The following GFM1 variants were observed in gnomAD, a reference collection of about 807,000 sequenced individuals.
The protein encoded by GFM1 is elongation factor G, mitochondrial.
Under a neutral mutation model 96.2 loss-of-function variants are expected in GFM1, and 62 were observed. That is an observed-to-expected ratio of 0.64 (90% CI 0.53 to 0.80). The LOEUF (loss-of-function observed/expected upper bound fraction) is 0.80. Ranked by LOEUF, GFM1 falls within the 30% of genes least tolerant of loss-of-function variation. GFM1 has a pLI of 0.00. For missense variants in GFM1, 852 were observed against 916.6 expected, an observed-to-expected ratio of 0.93 and a Z score of 0.91; for synonymous variants, 282 against 312.9, an observed-to-expected ratio of 0.90 and a Z score of 1.04.
intron 12 of GFM1, 99 bp downstream of exon 12, chr3:158,665,573 T>C: frequency 9.7e-7 from 1 of 1,025,790 alleles, no homozygotes; most frequent in Middle Eastern, 3.0e-4. Flanking sequence ...CTAACTCTGG[T>C]TCTTCATGCG....
chr3:158,665,445 G>A lies in GFM1; in HGVS notation c.1489G>A (p.Gly497Arg). 1.2e-6 allele frequency: 2 copies of A among 1,610,692 alleles called. No individual in the cohort carries two copies. The highest frequency in any genetic ancestry group is 1.7e-6 in the Non-Finnish European group (2 of 1,177,456). Residue 497 changes from glycine (G) to arginine (R), a missense_variant, in exon 12 of 18, where the codon GGA becomes AGA. Transcript: ENST00000486715. ...ENKETVISGM[G>R]ELHLEIYAQR... The stretch of plus-strand genomic sequence containing the variant: ...CAAAGAGACAGTTATATCTGGAATG[G>A]GAGAATTACACCTGGAAATCTATGC...
At chr3:158,646,008 C>T (rs910613864) in intron 2 of GFM1, 157 bp from the exon 3 acceptor site, 9 of 1,004,668 alleles carry the variant, frequency 9.0e-6, no homozygotes, top group Non-Finnish European at 1.4e-5. Context: ...GTCTCAAACT[C>T]TTGGGCTCAA....
chr3:158,677,709 G>A (rs768530914), intron 13 of GFM1, among the ~76,000 whole-genome samples: 5 of 151,924 alleles, frequency 3.3e-5, no homozygotes, highest in Non-Finnish European at 5.9e-5. Flanking sequence ...TTCACATGTC[G>A]GTCAAGCTGG....
At chr3:158,654,096 A>G (rs1722532148) in intron 7 of GFM1, among the ~76,000 whole-genome samples, 1 of 152,034 alleles carries the variant, frequency 6.6e-6, no homozygotes, top group Non-Finnish European at 1.5e-5. Flanking sequence ...AAACTGCAAA[A>G]GAAACTCATT....
intron 13 of GFM1, 30 bp from the exon 14 acceptor site, chr3:158,681,965 T>G (rs1426019578): frequency 6.5e-7 from 1 of 1,539,584 alleles, no homozygotes; most frequent in Admixed American, 1.7e-5. Context: ...TACATAATGC[T>G]CCATTTTTTT....
chr3:158,680,865 G>A (rs1004184888), intron 13 of GFM1, among the ~76,000 whole-genome samples: 13 of 152,256 alleles, frequency 8.5e-5, no homozygotes, highest in African/African-American at 3.1e-4. Flanking sequence ...GTCCTTTAGA[G>A]CAGTGCTGCC....
intron 15 of GFM1, among the ~76,000 whole-genome samples, chr3:158,687,086 T>C (rs11713047): frequency 0.015 from 2,240 of 152,158 alleles, 17 homozygotes; most frequent in Non-Finnish European, 0.021. Context: ...TACTGCAACC[T>C]CGAATTCCTG....
chr3:158,661,497 A>G (rs1265718283), intron 10 of GFM1, among the ~76,000 whole-genome samples: 1 of 152,224 alleles, frequency 6.6e-6, no homozygotes, highest in African/African-American at 2.4e-5. Context: ...GCAATATGCA[A>G]CTACAGAGTC....
At chr3:158,684,326 C>G (rs1342570412) in intron 14 of GFM1, among the ~76,000 whole-genome samples, 198 bp from the exon 15 acceptor site, 2 of 151,860 alleles carry the variant, frequency 1.3e-5, no homozygotes, top group African/African-American at 4.8e-5. Flanking sequence ...TGTAACAAAA[C>G]TATACATGTA....
chr3:158,669,569 T>C (rs749097909), intron 13 of GFM1: 11 of 1,613,940 alleles, frequency 6.8e-6, no homozygotes, highest in South Asian at 2.2e-5. Context: ...CTTGTCCCGT[T>C]GAAGGGTAAA....
chr3:158,656,942 A>G (rs1275897568), intron 8 of GFM1: 1 of 152,176 alleles, frequency 6.6e-6, no homozygotes, highest in Non-Finnish European at 1.5e-5. Context: ...TGTATATTCC[A>G]TGCCCTAACC....
chr3:158,653,553 A>G, intron 7 of GFM1, 86 bp downstream of exon 7: 1 of 997,246 alleles, frequency 1.0e-6, no homozygotes, highest in Non-Finnish European at 1.5e-6. Context: ...AGTTCTTTTA[A>G]TTATGTCTGT....
chr3:158,663,230 TAATA>T (rs1383375624), intron 11 of GFM1, among the ~76,000 whole-genome samples: 1 of 152,230 alleles, frequency 6.6e-6, no homozygotes, highest in African/African-American at 2.4e-5. Context: ...ATTTAGCTTT[TAATA>T]AATCCAAAAT....
intron 13 of GFM1, among the ~76,000 whole-genome samples, chr3:158,668,507 C>T (rs1723940460): frequency 6.6e-6 from 1 of 152,132 alleles, no homozygotes; most frequent in Non-Finnish European, 1.5e-5. Context: ...CTCTCTCAAC[C>T]TTTTTGTTCT....
At chr3:158,653,124 A>G (rs908277612) in intron 6 of GFM1, among the ~76,000 whole-genome samples, 186 bp from the exon 7 acceptor site, 1 of 152,146 alleles carries the variant, frequency 6.6e-6, no homozygotes, top group Non-Finnish European at 1.5e-5. Context: ...CCAGCCCTGA[A>G]GAAGAAAGTG....
intron 6 of GFM1, among the ~76,000 whole-genome samples, chr3:158,652,966 A>G (rs1349856036): frequency 1.3e-5 from 2 of 151,506 alleles, no homozygotes; most frequent in East Asian, 3.9e-4. Flanking sequence ...TTTTTCCTCT[A>G]TTTTGTACAA....
chr3:158,651,039 A>T lies in GFM1; in HGVS notation c.690-1057A>T, dbSNP rs1011146072. ...CCGTCTCAAAAAAAAAAAAAAAAAAAAAAAAAGAAATACCTTGAAAAATTT... is the reference window on the plus strand; with the variant it reads ...CCGTCTCAAAAAAAAAAAAAAAAAATAAAAAAGAAATACCTTGAAAAATTT... On this transcript the variant is annotated intron_variant, in intron 5 of 17. Transcript: ENST00000486715. The T allele has an allele frequency of 1.8e-4, 28 of 151,440 alleles. 1 individual carries two copies. In the East Asian group the frequency reaches 3.5e-3, roughly 19 times the overall value. 9.4% of individuals were successfully genotyped at this position (151,440 alleles called of 1,614,324 possible). A position where few individuals can be genotyped will look rare whatever the true frequency, so the allele number is the denominator to read the frequency against.
Position 158,691,499 on chromosome 3 carries a change from T to A in GFM1, c.*32T>A, listed in dbSNP as rs566997041. ...TTACTGTGAGTTGACTGACTCTAATTGAATCTGCGTGGTTTTGATACTTTG... is the reference window on the plus strand; with the variant it reads ...TTACTGTGAGTTGACTGACTCTAATAGAATCTGCGTGGTTTTGATACTTTG... On this transcript the variant is annotated 3_prime_UTR_variant, in exon 18 of 18. Coordinates refer to ENST00000486715, the MANE Select transcript of GFM1 (RefSeq NM_024996.7). 2 of 1,611,076 alleles carry A rather than the reference T, an allele frequency of 1.2e-6. No individual in the cohort carries two copies. Among genetic ancestry groups the A allele is most frequent in the East Asian group, 4.5e-5 (2 of 44,792 alleles).
intron 5 of GFM1, among the ~76,000 whole-genome samples, 162 bp from the exon 6 acceptor site, chr3:158,651,934 A>C (rs1576731536): frequency 6.6e-6 from 1 of 152,156 alleles, no homozygotes; most frequent in African/African-American, 2.4e-5. Flanking sequence ...TTCTGTGTAC[A>C]TTTTAAAGGT....
Sources: gnomAD v4.1 joint callset for allele counts (sites outside exome capture counted in the v4.1 genomes callset) on GRCh38, gnomAD v4.1.1 for gene constraint, MANE v1.5 for transcripts, NCBI Gene and HGNC (gene_info 2026-07-23, HGNC 2026-07-21) for gene names.